Variants in TBXAS1 observed in about 807,000 individuals in gnomAD.
TBXAS1 encodes the protein thromboxane A synthase 1.
TBXAS1 carries 48 observed loss-of-function variants against 60.7 expected under a neutral mutation model. That is an observed-to-expected ratio of 0.79 (90% CI 0.63 to 1.01). The LOEUF (loss-of-function observed/expected upper bound fraction) is 1.01, where lower values mean the gene tolerates loss of function less well. Among genes scored for constraint, TBXAS1 ranks in the 50% least tolerant of loss-of-function variants. TBXAS1 has a pLI of 0.00. For missense variants in TBXAS1, 685 were observed against 686.3 expected, an observed-to-expected ratio of 1.00 and a Z score of 0.02; for synonymous variants, 287 against 269.7, an observed-to-expected ratio of 1.06 and a Z score of -0.63.
intron 4 of TBXAS1, among the ~76,000 whole-genome samples, chr7:139,805,694 CTTTCTTTCTT>C (rs1797838626): frequency 6.5e-5 from 2 of 30,820 alleles, no homozygotes; most frequent in Non-Finnish European, 1.1e-4. Flanking sequence ...TTCTTTCTTT[CTTTCTTTCTT>C]TCTTTCTTTC....
chr7:139,902,187 G>A (rs1804634449), intron 3 of TBXAS1, among the ~76,000 whole-genome samples: 1 of 151,570 alleles, frequency 6.6e-6, no homozygotes, highest in Admixed American at 6.6e-5. Context: ...GTAGATCTGT[G>A]TAACCCCCAC....
chr7:139,838,725 A>G (rs1044772714), intron 1 of TBXAS1, among the ~76,000 whole-genome samples: 1 of 152,156 alleles, frequency 6.6e-6, no homozygotes, highest in Admixed American at 6.5e-5. Flanking sequence ...GTTTTCCCGA[A>G]ACCGCGTTGG....
intron 9 of TBXAS1, among the ~76,000 whole-genome samples, chr7:139,972,943 G>A (rs1463179415): frequency 1.4e-4 from 22 of 152,066 alleles, no homozygotes; most frequent in Admixed American, 1.4e-3. Context: ...GATTTGAGGG[G>A]GGACGAGCAG....
rs952960946 is a variant in TBXAS1, at chr7:139,939,063, G to A, written c.450+2756G>A. 4.6e-5 allele frequency among the ~76,000 whole-genome samples: 7 copies of A among 152,102 alleles called. No individual in the cohort carries two copies. The East Asian group carries it at 1.2e-3, about 25-fold the overall frequency. On this transcript the variant is annotated intron_variant, in intron 5 of 12. Transcript: ENST00000448866. Reference sequence around the variant, plus strand: ...AAATAGAGTTCCTCAATATGTCCACGGCATTAAGATGCCAAGAGAAGCCAG... The same window carrying A: ...AAATAGAGTTCCTCAATATGTCCACAGCATTAAGATGCCAAGAGAAGCCAG...
chr7:139,897,407 G>A (rs1453779229), intron 3 of TBXAS1, among the ~76,000 whole-genome samples: 1 of 152,182 alleles, frequency 6.6e-6, no homozygotes, highest in Admixed American at 6.5e-5. Flanking sequence ...AAGGCAGGGA[G>A]CAGGGTGTGA....
Position 139,860,611 on chromosome 7 carries a change from C to T in TBXAS1, c.90-11624C>T, listed in dbSNP as rs565453236. Among the ~76,000 whole-genome samples, 7 of 152,048 alleles carry T rather than the reference C, an allele frequency of 4.6e-5. No individual in the cohort carries two copies. The South Asian group carries it at 8.3e-4, about 18-fold the overall frequency. ...AAAAAGGACACAGGAGTTGTCAGAG[C>T]GAGAGAAGGCAGTGTGAGGACTGGA... On this transcript the variant is annotated intron_variant, in intron 1 of 12. Coordinates refer to ENST00000448866, the MANE Select transcript of TBXAS1 (RefSeq NM_001061.7).
intron 10 of TBXAS1, among the ~76,000 whole-genome samples, chr7:140,014,904 G>A (rs1253660301): frequency 1.3e-5 from 1 of 75,072 alleles, no homozygotes; most frequent in Non-Finnish European, 2.4e-5. Flanking sequence ...GCAAGACCCT[G>A]TCTCAAAAAA....
chr7:139,858,717 T>C (rs1430122033), intron 1 of TBXAS1, among the ~76,000 whole-genome samples: 1 of 152,194 alleles, frequency 6.6e-6, no homozygotes, highest in Non-Finnish European at 1.5e-5. Flanking sequence ...GCAGACCACA[T>C]TTTGATTATG....
At chr7:139,976,918 C>T (rs957598460) in intron 9 of TBXAS1, among the ~76,000 whole-genome samples, 2 of 152,266 alleles carry the variant, frequency 1.3e-5, no homozygotes, top group East Asian at 3.9e-4. Flanking sequence ...ATCAGATTAT[C>T]AGGAAGTCGT....
At chr7:139,987,059 G>A (rs1812544800) in intron 9 of TBXAS1, among the ~76,000 whole-genome samples, 1 of 151,998 alleles carries the variant, frequency 6.6e-6, no homozygotes, top group Non-Finnish European at 1.5e-5. Context: ...GCTTAGCAGT[G>A]CAGTCATGAG....
chr7:139,861,643 A>T (rs796346070), intron 1 of TBXAS1, among the ~76,000 whole-genome samples: 54 of 152,348 alleles, frequency 3.5e-4, no homozygotes, highest in African/African-American at 1.2e-3. Flanking sequence ...TGGCTGAAGT[A>T]CCAAACATGG....
intron 3 of TBXAS1, among the ~76,000 whole-genome samples, chr7:139,880,802 T>C (rs1309033054): frequency 6.6e-6 from 1 of 152,196 alleles, no homozygotes; most frequent in Non-Finnish European, 1.5e-5. Flanking sequence ...ATGTCTGGGG[T>C]AAGTATGCAA....
chr7:139,986,173 G>A (rs1053735844), intron 9 of TBXAS1, among the ~76,000 whole-genome samples: 4 of 152,148 alleles, frequency 2.6e-5, no homozygotes, highest in African/African-American at 4.8e-5. Context: ...CTCTCTATGC[G>A]CTAGTGTTAT....
At chr7:139,952,484 G>A (rs1318916872) in intron 5 of TBXAS1, 7 of 1,503,498 alleles carry the variant, frequency 4.7e-6, no homozygotes, top group Non-Finnish European at 4.4e-6. Flanking sequence ...ATTAGAGCAC[G>A]TTGCTTTAGC....
chr7:139,904,975 T>TTCTTTC (rs1173186030), intron 3 of TBXAS1, among the ~76,000 whole-genome samples: 4 of 149,674 alleles, frequency 2.7e-5, no homozygotes, highest in African/African-American at 7.3e-5. Flanking sequence ...CTCCCTACCT[T>TTCTTTC]TCTTTCTCTT....
At chr7:139,813,876 C>T (rs866585163) in intron 4 of TBXAS1, among the ~76,000 whole-genome samples, 68 of 152,320 alleles carry the variant, frequency 4.5e-4, no homozygotes, top group African/African-American at 1.4e-3. Context: ...GTGAAGAAGG[C>T]ACAGTGGGAG....
chr7:139,846,014 C>T (rs1342202034), intron 1 of TBXAS1, among the ~76,000 whole-genome samples: 1 of 151,764 alleles, frequency 6.6e-6, no homozygotes, highest in Admixed American at 6.6e-5. Flanking sequence ...TTTGTAGAGA[C>T]GGGGTTTCTC....
rs76264915 is a variant in TBXAS1, at chr7:139,902,141, T to G, written c.237-9084T>G. On this transcript the variant is annotated intron_variant, in intron 3 of 12. Coordinates refer to ENST00000448866, the MANE Select transcript of TBXAS1 (RefSeq NM_001061.7). ...AGGTTTATATGCACTCGTGTGTGTG[T>G]GTGTGTGTGTAGTTCTATGCAGTTT... Among the ~76,000 whole-genome samples the G allele has an allele frequency of 5.0e-3, 767 of 151,930 alleles. 14 individuals carry two copies. Among genetic ancestry groups the G allele is most frequent in the East Asian group, 0.031 (160 of 5,174 alleles).
intron 1 of TBXAS1, among the ~76,000 whole-genome samples, chr7:139,841,261 C>A (rs918537433): frequency 6.6e-6 from 1 of 152,130 alleles, no homozygotes; most frequent in African/African-American, 2.4e-5. Flanking sequence ...AGGTCTTGGG[C>A]TGGGTCTTGA....
Sources: gnomAD v4.1 joint callset for allele counts (sites outside exome capture counted in the v4.1 genomes callset) on GRCh38, gnomAD v4.1.1 for gene constraint, MANE v1.5 for transcripts, NCBI Gene and HGNC (gene_info 2026-07-23, HGNC 2026-07-21) for gene names.